RAP1GDS1: variants seen among roughly 807,000 people sequenced by gnomAD.
RAP1GDS1 encodes the protein RAP1, GTP-GDP dissociation stimulator 1.
In RAP1GDS1, 35 loss-of-function variants were observed where a neutral mutation model predicts 71.1. The observed-to-expected ratio is 0.49, with a 90% CI of 0.38 to 0.65. The LOEUF (loss-of-function observed/expected upper bound fraction) is 0.65. RAP1GDS1 is among the 30% of genes least tolerant of loss of function. The pLI, the probability that RAP1GDS1 is intolerant of heterozygous loss-of-function variation, is 0.00. For missense variants in RAP1GDS1, 663 were observed against 706.1 expected (o/e 0.94, Z 0.69); for synonymous variants, 229 against 243.1 (o/e 0.94, Z 0.54).
At chr4:98,342,862 G>T (rs1735686235) in intron 2 of RAP1GDS1, among the ~76,000 whole-genome samples, 1 of 152,022 alleles carries the variant, frequency 6.6e-6, no homozygotes, top group Non-Finnish European at 1.5e-5. Flanking sequence ...GAGTAAGTTT[G>T]GTATGCAAAT....
intron 14 of RAP1GDS1, among the ~76,000 whole-genome samples, chr4:98,440,546 T>C (rs576282737): frequency 4.6e-5 from 7 of 152,226 alleles, no homozygotes; most frequent in African/African-American, 1.4e-4. Flanking sequence ...AACTAATGAG[T>C]GTGAGGTGGC....
At chr4:98,425,848 T>G (rs987104991) in intron 12 of RAP1GDS1, among the ~76,000 whole-genome samples, 3 of 152,114 alleles carry the variant, frequency 2.0e-5, no homozygotes, top group African/African-American at 7.2e-5. Flanking sequence ...AACAATGGAT[T>G]TAAACTATAC....
chr4:98,375,817 G>A (rs1208844310), intron 4 of RAP1GDS1, among the ~76,000 whole-genome samples: 1 of 152,156 alleles, frequency 6.6e-6, no homozygotes, highest in African/African-American at 2.4e-5. Context: ...ACACAAGGAG[G>A]AAACGTAGTA....
intron 2 of RAP1GDS1, among the ~76,000 whole-genome samples, chr4:98,338,219 C>G (rs1471919491): frequency 2.6e-5 from 4 of 152,092 alleles, no homozygotes; most frequent in Non-Finnish European, 4.4e-5. Context: ...TATAATTATT[C>G]TAGGGCTTCT....
At chr4:98,359,206 G>A (rs561390002) in intron 4 of RAP1GDS1, among the ~76,000 whole-genome samples, 4 of 152,086 alleles carry the variant, frequency 2.6e-5, no homozygotes, top group East Asian at 1.9e-4. Context: ...TAAGATTTAC[G>A]GAGTGGGAAT....
intron 7 of RAP1GDS1, among the ~76,000 whole-genome samples, chr4:98,410,239 T>G (rs1746840866): frequency 1.3e-5 from 2 of 152,190 alleles, no homozygotes; most frequent in African/African-American, 4.8e-5. Flanking sequence ...ATAAAAACTC[T>G]TAAAAATCAT....
chr4:98,287,661 G>A (rs1726236352), intron 1 of RAP1GDS1, among the ~76,000 whole-genome samples: 1 of 152,126 alleles, frequency 6.6e-6, no homozygotes, highest in Admixed American at 6.6e-5. Context: ...TCATTAAATA[G>A]AATAGTTTTT....
intron 2 of RAP1GDS1, among the ~76,000 whole-genome samples, chr4:98,310,365 G>C (rs7655147): frequency 0.15 from 22,365 of 152,016 alleles, 2,447 homozygotes; most frequent in African/African-American, 0.3. Context: ...CTTAGCCAGA[G>C]GGCTGAGAAG....
At chr4:98,394,339 A>T (rs552136438) in intron 6 of RAP1GDS1, among the ~76,000 whole-genome samples, 1 of 152,294 alleles carries the variant, frequency 6.6e-6, no homozygotes, top group South Asian at 2.1e-4. Flanking sequence ...AAGGAAAAGT[A>T]TTAGTCATTA....
chr4:98,288,802 C>G (rs912403995), intron 1 of RAP1GDS1, among the ~76,000 whole-genome samples: 1 of 152,120 alleles, frequency 6.6e-6, no homozygotes, highest in African/African-American at 2.4e-5. Context: ...AGCATTTTTT[C>G]ATGTGTCTGT....
chr4:98,303,869 A>G (rs936285436), intron 2 of RAP1GDS1, among the ~76,000 whole-genome samples: 2 of 151,800 alleles, frequency 1.3e-5, no homozygotes, highest in African/African-American at 4.8e-5. Flanking sequence ...AACCCCCTCT[A>G]CAGACCCCAT....
rs1245273552 is a variant in RAP1GDS1, at chr4:98,442,487, G to A, written c.*370G>A. ...TGGTAAACTAGAAACAAAGAATGCA[G>A]CAGGATCTGTCTAGCTTATTAAAGA... is the stretch of plus-strand genomic sequence containing the variant. On this transcript the variant is annotated 3_prime_UTR_variant, in exon 15 of 15. Transcript: ENST00000408927. The A allele has an allele frequency of 8.5e-6, 2 of 234,220 alleles. No individual in the cohort carries two copies. The highest frequency in any genetic ancestry group is 1.7e-5 in the Non-Finnish European group (2 of 118,642). 14.5% of individuals were successfully genotyped at this position (234,220 alleles called of 1,614,324 possible). A position where few individuals can be genotyped will look rare whatever the true frequency, so the allele number is the denominator to read the frequency against.
At chr4:98,377,474 T>A (rs1213781011) in intron 4 of RAP1GDS1, among the ~76,000 whole-genome samples, 4 of 151,922 alleles carry the variant, frequency 2.6e-5, no homozygotes, top group African/African-American at 9.7e-5. Flanking sequence ...TTTTCTGTGA[T>A]CTGATGAGCT....
At chr4:98,346,757 G>C (rs1279474888) in intron 3 of RAP1GDS1, among the ~76,000 whole-genome samples, 3 of 152,082 alleles carry the variant, frequency 2.0e-5, no homozygotes, top group African/African-American at 7.2e-5. Context: ...TGTTAGCCAG[G>C]CTGGTCTCGA....
intron 4 of RAP1GDS1, among the ~76,000 whole-genome samples, chr4:98,375,184 G>A (rs1740987721): frequency 6.6e-6 from 1 of 152,074 alleles, no homozygotes; most frequent in Admixed American, 6.5e-5. Context: ...TTGCCTCTTT[G>A]TAGCTTCTGG....
At chr4:98,330,318 C>T (rs995928493) in intron 2 of RAP1GDS1, among the ~76,000 whole-genome samples, 1 of 152,240 alleles carries the variant, frequency 6.6e-6, no homozygotes, top group Admixed American at 6.5e-5. Context: ...ATGGCCCGTT[C>T]TCAATGAGCT....
intron 1 of RAP1GDS1, among the ~76,000 whole-genome samples, chr4:98,269,065 T>C (rs1001167507): frequency 6.6e-6 from 1 of 150,392 alleles, no homozygotes; most frequent in African/African-American, 2.5e-5. Flanking sequence ...GTTACAAAGC[T>C]GTAGTGATCA....
intron 1 of RAP1GDS1, among the ~76,000 whole-genome samples, chr4:98,276,514 G>T (rs1422019129): frequency 6.7e-6 from 1 of 150,318 alleles, no homozygotes; most frequent in Non-Finnish European, 1.5e-5. Flanking sequence ...GAGTAAAAGA[G>T]AATATTTTTT....
chr4:98,262,105 T>C (rs1193756988), intron 1 of RAP1GDS1, among the ~76,000 whole-genome samples: 1 of 152,232 alleles, frequency 6.6e-6, no homozygotes, highest in East Asian at 1.9e-4. Context: ...CGGAAATTAT[T>C]TTCCAAGGGG....
Sources: gnomAD v4.1 joint callset for allele counts (sites outside exome capture counted in the v4.1 genomes callset) on GRCh38, gnomAD v4.1.1 for gene constraint, MANE v1.5 for transcripts, NCBI Gene and HGNC (gene_info 2026-07-23, HGNC 2026-07-21) for gene names.